ANGPTL4: variants seen among roughly 807,000 people sequenced by gnomAD.
ANGPTL4 encodes the protein angiopoietin like 4.
ANGPTL4 carries 39 observed loss-of-function variants against 39.2 expected under a neutral mutation model. The ratio of observed to expected loss-of-function variants is 1.00; its 90% CI spans 0.77 to 1.30. The LOEUF is 1.30. Among genes scored for constraint, ANGPTL4 ranks in the 50% most tolerant of loss-of-function variants. ANGPTL4 has a pLI of 0.00. For missense variants in ANGPTL4, 545 were observed against 549.8 expected (o/e 0.99, Z 0.09); for synonymous variants, 233 against 229.5 (o/e 1.02, Z -0.14).
rs1296113779 is a variant in ANGPTL4 at position 8,369,341 on chromosome 19, T to A, written c.661+9T>A. 1 of 1,605,852 alleles carries A rather than the reference T, an allele frequency of 6.2e-7. No homozygotes were observed. Among genetic ancestry groups the A allele is most frequent in the Admixed American group, 1.7e-5 (1 of 58,970 alleles). Reference sequence around the variant, plus strand: ...CTGCAAGATGACCTCAGGTAGGGTGTGTTAGTCCACCAGGGGCCCCTCTCC... The same window carrying A: ...CTGCAAGATGACCTCAGGTAGGGTGAGTTAGTCCACCAGGGGCCCCTCTCC... On this transcript the variant is annotated intron_variant, in intron 4 of 6. Coordinates refer to ENST00000301455, the MANE Select transcript of ANGPTL4 (RefSeq NM_139314.3).
intron 6 of ANGPTL4, 88 bp from the exon 7 acceptor site, chr19:8,373,617 C>T: frequency 1.3e-6 from 2 of 1,584,638 alleles, no homozygotes; most frequent in Non-Finnish European, 1.7e-6. Context: ...CCCCAACCTG[C>T]CTCATCCTCA....
chr19:8,372,177 C>T (rs550274777), intron 6 of ANGPTL4, among the ~76,000 whole-genome samples: 30 of 151,992 alleles, frequency 2.0e-4, no homozygotes, highest in African/African-American at 7.2e-4. Flanking sequence ...CTGCCTCAGC[C>T]TCCTGAGTAG....
At chr19:8,366,369 C>T (rs1971007293) in intron 3 of ANGPTL4, 50 bp downstream of exon 3, 2 of 1,572,478 alleles carry the variant, frequency 1.3e-6, no homozygotes, top group Non-Finnish European at 1.7e-6. Flanking sequence ...TACCCCGCCA[C>T]TTGCCATTGC....
intron 6 of ANGPTL4, 121 bp from the exon 7 acceptor site, chr19:8,373,584 T>TC: frequency 7.4e-7 from 1 of 1,349,230 alleles, no homozygotes. Context: ...AAAAAAAAAG[T>TC]CAAGTCCAAA....
Position 8,371,485 on chromosome 19 carries a change from C to A in ANGPTL4, c.1002C>A (p.Asp334Glu). The change falls in exon 6 of 7, where the codon GAC becomes GAA. Residue 334 changes from aspartate (D) to glutamate (E), a missense_variant. Physicochemically the swap from Asp to Glu is conservative, Grantham distance 45. Coordinates refer to ENST00000301455, the MANE Select transcript of ANGPTL4 (RefSeq NM_139314.3). This position sits in a 1 kb window ranked among gnomAD's most constrained non-coding sequence, Gnocchi z 5.1. ...TCTCCACTTGGGACCAGGATCACGA[C>A]CTCCGCAGGGACAAGAACTGCGCCA... is the stretch of plus-strand genomic sequence containing the variant. Reference protein sequence around the residue: ...VPFSTWDQDHDLRRDKNCAKS... With the variant: ...VPFSTWDQDHELRRDKNCAKS... 1 of 1,613,210 alleles carries A rather than the reference C, an allele frequency of 6.2e-7. No individual in the cohort carries two copies. The highest frequency in any genetic ancestry group is 8.5e-7 in the Non-Finnish European group (1 of 1,180,036).
Position 8,374,154 on chromosome 19 carries a change from G to A in ANGPTL4, c.*268G>A. 1 of 466,676 alleles carries A rather than the reference G, an allele frequency of 2.1e-6. No individual in the cohort carries two copies. The highest frequency in any genetic ancestry group is 3.9e-6 in the Non-Finnish European group (1 of 253,196). 28.9% of individuals were successfully genotyped at this position (466,676 alleles called of 1,614,324 possible). On this transcript the variant is annotated 3_prime_UTR_variant, in exon 7 of 7. Transcript: ENST00000301455. ...TGGAGCTTCACTCCTTGCTGGCCAG[G>A]GAGTTGGGGACTCAGAGGGACCACT...
chr19:8,366,007 C>A lies in ANGPTL4; in HGVS notation c.372C>A (p.Ala124=), dbSNP rs1255684355. 6.2e-7 allele frequency: 1 copy of A among 1,613,966 alleles called. No individual in the cohort carries two copies. Among genetic ancestry groups the A allele is most frequent in the Non-Finnish European group, 8.5e-7 (1 of 1,180,022 alleles). Reference sequence around the variant, plus strand: ...TCCAGCAACTCTTCCACAAGGTGGCCCAGCAGCAGCGGCACCTGGAGAAGC... The same window carrying A: ...TCCAGCAACTCTTCCACAAGGTGGCACAGCAGCAGCGGCACCTGGAGAAGC... ...SRIQQLFHKV[A]QQQRHLEKQH... is the part of the protein sequence containing the mutation. Residue 124 remains alanine, a synonymous_variant, in exon 2 of 7, where the codon GCC becomes GCA. Transcript: ENST00000301455.
At chr19:8,373,276 G>A (rs1253079467) in intron 6 of ANGPTL4, among the ~76,000 whole-genome samples, 6 of 152,030 alleles carry the variant, frequency 3.9e-5, no homozygotes, top group Non-Finnish European at 8.8e-5. Flanking sequence ...GTGGTGGCGG[G>A]TGCCTGTAAT....
chr19:8,371,193 G>A lies in ANGPTL4; in HGVS notation c.757+42G>A. 1 of 1,614,100 alleles carries A rather than the reference G, an allele frequency of 6.2e-7. No individual in the cohort carries two copies. The highest frequency in any genetic ancestry group is 8.5e-7 in the Non-Finnish European group (1 of 1,180,036). On this transcript the variant is annotated intron_variant, in intron 5 of 6. Transcript: ENST00000301455. This position sits in a 1 kb window ranked among gnomAD's most constrained non-coding sequence, Gnocchi z 5.1. ...GGGACAGAGGCAGGGGAGGAAGAGG[G>A]ACCCTCAGAAGTGGCCCTGCCTCAT...
In ANGPTL4 at chr19:8,374,062, A is replaced by C. The variant is rs1971184698; in HGVS notation, c.*176A>C. 1 of 666,698 alleles carries C rather than the reference A, an allele frequency of 1.5e-6. No homozygotes were observed. The allele number at this position is 666,698 out of a possible 1,614,324, so 41.3% of individuals were successfully genotyped here. Reference sequence around the variant, plus strand: ...CCCTTTCTGAGTGCAGGGGGGCTGCATGCGTTGCCTCCTGAGATCGAGGCT... The same window carrying C: ...CCCTTTCTGAGTGCAGGGGGGCTGCCTGCGTTGCCTCCTGAGATCGAGGCT... On this transcript the variant is annotated 3_prime_UTR_variant, in exon 7 of 7. Coordinates refer to ENST00000301455, the MANE Select transcript of ANGPTL4 (RefSeq NM_139314.3).
intron 3 of ANGPTL4, among the ~76,000 whole-genome samples, chr19:8,366,717 TTTGTAGA>T (rs1269079804): frequency 6.6e-6 from 1 of 151,892 alleles, no homozygotes; most frequent in Non-Finnish European, 1.5e-5. Context: ...GGTAGTAGTG[TTTGTAGA>T]TTTGGGCCCT....
At chr19:8,372,742 G>A (rs2145486296) in intron 6 of ANGPTL4, among the ~76,000 whole-genome samples, 1 of 151,988 alleles carries the variant, frequency 6.6e-6, no homozygotes, top group South Asian at 2.1e-4. Flanking sequence ...GCAGTGAGCT[G>A]AGACTGCGCC....
In ANGPTL4 at chr19:8,371,333, G is replaced by A. The variant is rs746993217; in HGVS notation, c.850G>A (p.Ala284Thr). 3 of 1,613,798 alleles carry A rather than the reference G, an allele frequency of 1.9e-6. No homozygotes were observed. The highest frequency in any genetic ancestry group is 1.7e-5 in the Admixed American group (1 of 60,030). ...AVQLRDWDGN[A>T]ELLQFSVHLG... ...GCAGCTGCGGGACTGGGATGGCAAC[G>A]CCGAGTTGCTGCAGTTCTCCGTGCA... Residue 284 changes from alanine to threonine, a missense_variant, in exon 6 of 7, where the codon GCC becomes ACC. Transcript: ENST00000301455. The surrounding 1 kb of genome is among the most constrained non-coding windows in gnomAD (Gnocchi z 5.1).
Position 8,369,280 on chromosome 19 carries a change from A to G in ANGPTL4, c.609A>G (p.Glu203=). The G allele has an allele frequency of 6.2e-7, 1 of 1,612,402 alleles. No individual in the cohort carries two copies. The highest frequency in any genetic ancestry group is 8.5e-7 in the Non-Finnish European group (1 of 1,179,822). Residue 203 remains glutamate, a synonymous_variant, in exon 4 of 7, where the codon GAA becomes GAG. Transcript: ENST00000301455. ...QVGERQSGLF[E]IQPQGSPPFL... is the part of the protein sequence containing the mutation. ...GGGAGAGGCAGAGTGGACTATTTGA[A>G]ATCCAGCCTCAGGGGTCTCCGCCAT... is the stretch of plus-strand genomic sequence containing the variant.
In ANGPTL4 at chr19:8,369,349, C is replaced by T; in HGVS notation, c.661+17C>T. On this transcript the variant is annotated intron_variant, in intron 4 of 6. Coordinates refer to ENST00000301455, the MANE Select transcript of ANGPTL4 (RefSeq NM_139314.3). ...TGACCTCAGGTAGGGTGTGTTAGTC[C>T]ACCAGGGGCCCCTCTCCCCATAGGC... The T allele has an allele frequency of 6.3e-7, 1 of 1,592,102 alleles. No individual in the cohort carries two copies. The highest frequency in any genetic ancestry group is 1.3e-5 in the African/African-American group (1 of 74,666).
chr19:8,370,181 C>T (rs995121766), intron 4 of ANGPTL4, among the ~76,000 whole-genome samples: 1 of 151,822 alleles, frequency 6.6e-6, no homozygotes, highest in South Asian at 2.1e-4. Flanking sequence ...CCAGCCTGGG[C>T]GACAGAGCGA....
At chr19:8,372,793 C>CAAAAGA (rs1256662198) in intron 6 of ANGPTL4, among the ~76,000 whole-genome samples, 2 of 151,248 alleles carry the variant, frequency 1.3e-5, no homozygotes, top group South Asian at 2.1e-4. Flanking sequence ...ACCCCTGCCT[C>CAAAAGA]AAAAGAAAAA....
At chr19:8,369,370 T>C (rs769509680) in intron 4 of ANGPTL4, 38 bp downstream of exon 4, 4 of 1,449,840 alleles carry the variant, frequency 2.8e-6, no homozygotes, top group South Asian at 1.2e-5. Context: ...CCTCTCCCCA[T>C]AGGCCCTGTT....
In ANGPTL4 at chr19:8,366,081, G is replaced by C. The variant is rs1239266465; in HGVS notation, c.429+17G>C. On this transcript the variant is annotated intron_variant, in intron 2 of 6. Transcript: ENST00000301455. ...CAAAGCCAGGTAACCCTAGGATCAAGGGAGAAAAGGTCCCTCTGATAGCTG... is the reference window on the plus strand; with the variant it reads ...CAAAGCCAGGTAACCCTAGGATCAACGGAGAAAAGGTCCCTCTGATAGCTG... 6.2e-7 allele frequency: 1 copy of C among 1,613,024 alleles called. No homozygotes were observed. Among genetic ancestry groups the C allele is most frequent in the African/African-American group, 1.3e-5 (1 of 74,898 alleles).
Sources: gnomAD v4.1 joint callset for allele counts (sites outside exome capture counted in the v4.1 genomes callset) on GRCh38, gnomAD v4.1.1 for gene constraint, Gnocchi (gnomAD v3.1) non-coding constraint, MANE v1.5 for transcripts, NCBI Gene and HGNC (gene_info 2026-07-23, HGNC 2026-07-21) for gene names.